The following AP1G1 variants were observed in gnomAD, a reference collection of about 807,000 sequenced individuals.
AP1G1 encodes the protein adaptor related protein complex 1 subunit gamma 1.
In AP1G1, 7 loss-of-function variants were observed where a neutral mutation model predicts 108.3. The ratio of observed to expected loss-of-function variants is 0.06; its 90% confidence interval spans 0.04 to 0.12. AP1G1 has a LOEUF of 0.12. AP1G1 is among the 10% of genes least tolerant of loss of function. The probability of loss-of-function intolerance (pLI) is 1.00; values close to 1 mark genes in which losing one functional copy is unlikely to be tolerated. For synonymous variants in AP1G1, 379 were observed against 353.5 expected (o/e 1.07, Z -0.81); for missense variants, 756 against 1,010.7 (o/e 0.75, Z 3.42).
chr16:71,804,239 G>A (rs528007265), intron 1 of AP1G1, among the ~76,000 whole-genome samples: 1 of 151,600 alleles, frequency 6.6e-6, no homozygotes, highest in South Asian at 2.1e-4. Context: ...GTAGAGATGG[G>A]GTTTAACCAT....
chr16:71,746,083 C>G (rs750990695), intron 17 of AP1G1, among the ~76,000 whole-genome samples: 2 of 151,956 alleles, frequency 1.3e-5, no homozygotes, highest in Non-Finnish European at 2.9e-5. Flanking sequence ...GATCTTGGCT[C>G]ACTGAAACAT....
At chr16:71,778,497 A>C (rs1158261633) in intron 2 of AP1G1, among the ~76,000 whole-genome samples, 1 of 152,112 alleles carries the variant, frequency 6.6e-6, no homozygotes, top group Non-Finnish European at 1.5e-5. Flanking sequence ...AGCCTGCGCA[A>C]CACGGTGAAA....
intron 1 of AP1G1, among the ~76,000 whole-genome samples, chr16:71,792,359 G>A (rs921074495): frequency 6.6e-6 from 1 of 152,156 alleles, no homozygotes; most frequent in Non-Finnish European, 1.5e-5. Flanking sequence ...CTTAACATAT[G>A]TGGAGAAGGG....
chr16:71,786,928 T>C (rs964851861), intron 2 of AP1G1, among the ~76,000 whole-genome samples: 14 of 152,016 alleles, frequency 9.2e-5, no homozygotes, highest in African/African-American at 3.4e-4. Flanking sequence ...CCGGGTGTGG[T>C]TCCCAGAAGG....
chr16:71,746,522 G>A, intron 17 of AP1G1, 66 bp downstream of exon 17: 1 of 998,784 alleles, frequency 1.0e-6, no homozygotes, highest in Non-Finnish European at 1.5e-6. Context: ...TCTTCTTTAT[G>A]GATTACCATG....
At position 71,764,575 on chromosome 16, in the gene AP1G1, A is replaced by G. The variant is rs139512499; in HGVS notation, c.819+71T>C. 2.2e-5 allele frequency: 30 copies of G among 1,337,494 alleles called. No homozygotes were observed. The African/African-American group carries it at 3.7e-4, about 17-fold the overall frequency. The allele number at this position is 1,337,494 out of a possible 1,614,324, so 82.9% of individuals were successfully genotyped here. A position where few individuals can be genotyped will look rare whatever the true frequency, so the allele number is the denominator to read the frequency against. Reference sequence around the variant, plus strand: ...AGGAAACACAAATAAAAACTGCTCCATATAACCATAATCATTCTACTCCCA... The same window carrying G: ...AGGAAACACAAATAAAAACTGCTCCGTATAACCATAATCATTCTACTCCCA... On this transcript the variant is annotated intron_variant, in intron 8 of 22. Coordinates refer to ENST00000299980, the MANE Select transcript of AP1G1 (RefSeq NM_001128.6).
chr16:71,740,062 G>A (rs1233627245), intron 19 of AP1G1, among the ~76,000 whole-genome samples: 1 of 152,150 alleles, frequency 6.6e-6, no homozygotes. Context: ...TCCAGATGTT[G>A]GCAAGAAGAT....
intron 11 of AP1G1, 87 bp from the exon 12 acceptor site, chr16:71,756,246 G>T: frequency 1.6e-6 from 2 of 1,249,354 alleles, no homozygotes; most frequent in Non-Finnish European, 2.2e-6. Context: ...TGAACACCAA[G>T]TACTGCCAGA....
chr16:71,799,761 T>C (rs535525390), intron 1 of AP1G1, among the ~76,000 whole-genome samples: 5 of 151,076 alleles, frequency 3.3e-5, no homozygotes, highest in Non-Finnish European at 7.4e-5. Flanking sequence ...TAGCGGGGTG[T>C]GGTGACAGGT....
chr16:71,769,600 T>C (rs1343546245), intron 6 of AP1G1, 23 bp downstream of exon 6: 2 of 1,593,064 alleles, frequency 1.3e-6, no homozygotes, highest in East Asian at 2.2e-5. Flanking sequence ...AAGAAAGGCT[T>C]AGGCATACAG....
Position 71,768,978 on chromosome 16 carries a change from C to CAAAA in AP1G1, c.642+641_642+644dup, listed in dbSNP as rs59451625. 2.6e-3 allele frequency among the ~76,000 whole-genome samples: 168 copies of CAAAA among 65,002 alleles called. 7 individuals carry two copies. Among genetic ancestry groups the CAAAA allele is most frequent in the East Asian group, 3.8e-3 (8 of 2,128 alleles). 42.6% of individuals were successfully genotyped at this position (65,002 alleles called of 152,430 possible). On this transcript the variant is annotated intron_variant, in intron 6 of 22. Coordinates refer to ENST00000299980, the MANE Select transcript of AP1G1 (RefSeq NM_001128.6). ...AATTCCTGCCTTTAAAAAAAAAATA[C>CAAAA]AAAAAAAAAAAAAAAAAAAACAGGC...
intron 1 of AP1G1, among the ~76,000 whole-genome samples, chr16:71,798,483 G>A (rs1350333584): frequency 3.9e-5 from 6 of 152,030 alleles, no homozygotes; most frequent in Middle Eastern, 3.2e-3. Context: ...ACAGGCATGA[G>A]CCACTGCACC....
At chr16:71,799,386 G>A (rs1364875383) in intron 1 of AP1G1, among the ~76,000 whole-genome samples, 4 of 152,168 alleles carry the variant, frequency 2.6e-5, no homozygotes, top group East Asian at 1.9e-4. Context: ...ATCTAGAAAT[G>A]ATCTAAATGT....
Position 71,772,284 on chromosome 16 carries a change from C to T in AP1G1, c.468+937G>A, listed in dbSNP as rs371024916. On this transcript the variant is annotated intron_variant, in intron 4 of 22. Transcript: ENST00000299980. ...GAGGGACTACAGGCGCCCGCCACCA[C>T]GCCCGGCTAATTTTTTTTGTATTTT... is the stretch of plus-strand genomic sequence containing the variant. Among the ~76,000 whole-genome samples the T allele has an allele frequency of 2.5e-3, 378 of 152,184 alleles. 1 individual carries two copies. The highest frequency in any genetic ancestry group is 4.4e-3 in the Non-Finnish European group (301 of 67,994).
intron 13 of AP1G1, among the ~76,000 whole-genome samples, chr16:71,752,376 T>C (rs2030552891): frequency 6.6e-6 from 1 of 152,302 alleles, no homozygotes; most frequent in African/African-American, 2.4e-5. Flanking sequence ...AGTTAATTCA[T>C]TGTAAGTAAA....
intron 1 of AP1G1, chr16:71,808,021 C>CGAGT (rs1262484748): frequency 3.3e-6 from 4 of 1,201,762 alleles, no homozygotes; most frequent in Non-Finnish European, 4.2e-6. Context: ...TTACCCTGAG[C>CGAGT]GAGTGGTTCG....
intron 1 of AP1G1, among the ~76,000 whole-genome samples, chr16:71,805,320 C>A (rs532758415): frequency 4.6e-5 from 7 of 151,956 alleles, no homozygotes; most frequent in African/African-American, 1.7e-4. Flanking sequence ...TGGTGGCGCA[C>A]GCTTGTAATC....
At position 71,777,728 on chromosome 16, in the gene AP1G1, T is replaced by A. The variant is rs545692200; in HGVS notation, c.202-3136A>T. On this transcript the variant is annotated intron_variant, in intron 2 of 22. Transcript: ENST00000299980. ...CTCTTCGGGCCCGTTCTCCTCCTCCTCCACCACTTCTTTCTTTCGCTCTTT... is the reference window on the plus strand; with the variant it reads ...CTCTTCGGGCCCGTTCTCCTCCTCCACCACCACTTCTTTCTTTCGCTCTTT... 7 of 444,814 alleles carry A rather than the reference T, an allele frequency of 1.6e-5. No homozygotes were observed. In the East Asian group the frequency reaches 3.1e-4, roughly 20 times the overall value. The allele number at this position is 444,814 out of a possible 1,614,324, so 27.6% of individuals were successfully genotyped here.
chr16:71,789,197 T>C (rs1408183354), intron 2 of AP1G1, 82 bp downstream of exon 2: 1 of 1,316,340 alleles, frequency 7.6e-7, no homozygotes, highest in Non-Finnish European at 1.1e-6. Flanking sequence ...CAAAAGTACC[T>C]CCCCACCAGA....
Sources: gnomAD v4.1 joint callset for allele counts (sites outside exome capture counted in the v4.1 genomes callset) on GRCh38, gnomAD v4.1.1 for gene constraint, MANE v1.5 for transcripts, NCBI Gene and HGNC (gene_info 2026-07-23, HGNC 2026-07-21) for gene names.